Variants in PPP1R37 observed in about 807,000 individuals in gnomAD.
PPP1R37 encodes leucine rich repeat containing 68.
In PPP1R37, 21 loss-of-function variants were observed where a neutral mutation model predicts 61.0. The ratio of observed to expected loss-of-function variants is 0.34; its 90% CI spans 0.24 to 0.50. The LOEUF is 0.50. Ranked by LOEUF, PPP1R37 falls within the 20% of genes least tolerant of loss-of-function variation. The pLI is 0.98. For synonymous variants in PPP1R37, 443 were observed against 433.5 expected (o/e 1.02, Z -0.27); for missense variants, 910 against 952.7 (o/e 0.96, Z 0.59).
At chr19:45,116,617 C>T (rs529263159) in intron 1 of PPP1R37, among the ~76,000 whole-genome samples, 1 of 152,294 alleles carries the variant, frequency 6.6e-6, no homozygotes, top group African/African-American at 2.4e-5. Flanking sequence ...GCATTGCGGG[C>T]TCCCTTCCCT....
At chr19:45,136,032 C>T (rs1311353188) in intron 1 of PPP1R37, 1 of 152,144 alleles carries the variant, frequency 6.6e-6, no homozygotes, top group Non-Finnish European at 1.5e-5. Flanking sequence ...ATCCGTCCAC[C>T]TCAGCCTTCC....
chr19:45,127,682 T>C (rs945484388), intron 1 of PPP1R37, among the ~76,000 whole-genome samples: 8 of 151,942 alleles, frequency 5.3e-5, no homozygotes, highest in Admixed American at 2.0e-4. Flanking sequence ...CATAAAGAAA[T>C]GATCAATGTT....
Position 45,093,426 on chromosome 19 carries a change from C to A in PPP1R37, c.101C>A (p.Pro34His), listed in dbSNP as rs903839617. The change falls in exon 1 of 13, where the codon CCC becomes CAC. Residue 34 changes from proline (P) to histidine (H), a missense_variant. Coordinates refer to ENST00000221462, the MANE Select transcript of PPP1R37 (RefSeq NM_019121.2). Reference sequence around the variant, plus strand: ...GGGTCTCCCAGCCCCGCGTCGCCCCCCGCCGATGGGCGCCTCAAGGCTGCA... The same window carrying A: ...GGGTCTCCCAGCCCCGCGTCGCCCCACGCCGATGGGCGCCTCAAGGCTGCA... ...EAGSPSPASPPADGRLKAAAK... is the reference protein window; with the variant it reads ...EAGSPSPASPHADGRLKAAAK... 12 of 1,534,876 alleles carry A rather than the reference C, an allele frequency of 7.8e-6. No homozygotes were observed. In the Admixed American group the frequency reaches 1.2e-4, roughly 15 times the overall value.
intron 1 of PPP1R37, among the ~76,000 whole-genome samples, chr19:45,132,847 G>T (rs1292650001): frequency 6.6e-6 from 1 of 152,052 alleles, no homozygotes; most frequent in Admixed American, 6.6e-5. Flanking sequence ...GGGATTGCAG[G>T]CATGAGCCAC....
chr19:45,109,594 A>G (rs1968174307), intron 1 of PPP1R37, among the ~76,000 whole-genome samples: 1 of 152,204 alleles, frequency 6.6e-6, no homozygotes, highest in Non-Finnish European at 1.5e-5. Context: ...GTCATTGGTC[A>G]CTTGCTGAAG....
chr19:45,128,499 T>C, intron 1 of PPP1R37: 1 of 899,928 alleles, frequency 1.1e-6, no homozygotes, highest in East Asian at 3.2e-5. Flanking sequence ...GAGGCAGCGG[T>C]TGGGTTTGCA....
At chr19:45,107,653 G>T (rs1968149496) in intron 1 of PPP1R37, among the ~76,000 whole-genome samples, 1 of 152,162 alleles carries the variant, frequency 6.6e-6, no homozygotes, top group South Asian at 2.1e-4. Context: ...TGAGTTGTGA[G>T]AGTTCTATAT....
intron 1 of PPP1R37, among the ~76,000 whole-genome samples, chr19:45,137,726 C>T (rs932567390): frequency 6.6e-6 from 1 of 151,870 alleles, no homozygotes; most frequent in Non-Finnish European, 1.5e-5. Context: ...AAGCCCGGCT[C>T]GCATATATAC....
chr19:45,131,975 G>C (rs1005775766), intron 1 of PPP1R37, among the ~76,000 whole-genome samples: 5 of 152,050 alleles, frequency 3.3e-5, no homozygotes, highest in Admixed American at 2.0e-4. Context: ...ACACAGCCTC[G>C]GCAGGCCAGG....
rs1005633742 is a variant in PPP1R37, at chr19:45,097,078, G to A, written c.202+3551G>A. Among the ~76,000 whole-genome samples, 5 of 152,126 alleles carry A rather than the reference G, an allele frequency of 3.3e-5. No individual in the cohort carries two copies. The South Asian group carries it at 1.0e-3, about 32-fold the overall frequency. ...TGGGGCTGTGGGAGGTGGAGGGTTC[G>A]CCAGGGTGAAGAGGAATCGTGGTAC... is the stretch of plus-strand genomic sequence containing the variant. On this transcript the variant is annotated intron_variant, in intron 1 of 12. Coordinates refer to ENST00000221462, the MANE Select transcript of PPP1R37 (RefSeq NM_019121.2).
At chr19:45,138,636 G>A (rs780251139) in intron 2 of PPP1R37, 25 bp downstream of exon 2, 31 of 1,468,534 alleles carry the variant, frequency 2.1e-5, no homozygotes, top group East Asian at 1.5e-4. Context: ...GGGTGGGTGC[G>A]TCCGGTGTGG....
At chr19:45,106,961 C>T (rs1255804294) in intron 1 of PPP1R37, among the ~76,000 whole-genome samples, 1 of 151,540 alleles carries the variant, frequency 6.6e-6, no homozygotes, top group Non-Finnish European at 1.5e-5. Context: ...AGACTACAGG[C>T]GCCCGCCACC....
At chr19:45,142,780 T>TA in intron 7 of PPP1R37, 1 of 319,746 alleles carries the variant, frequency 3.1e-6, no homozygotes, top group Admixed American at 4.7e-5. Context: ...GTTGCTGCCA[T>TA]AACAGGGTCA....
At chr19:45,095,636 G>A (rs1385042823) in intron 1 of PPP1R37, among the ~76,000 whole-genome samples, 4 of 151,846 alleles carry the variant, frequency 2.6e-5, no homozygotes, top group African/African-American at 7.3e-5. Flanking sequence ...GGTGGTGCAC[G>A]CCTGTAGTCC....
At chr19:45,139,608 C>G (rs1968583500) in intron 2 of PPP1R37, among the ~76,000 whole-genome samples, 1 of 152,262 alleles carries the variant, frequency 6.6e-6, no homozygotes, top group Non-Finnish European at 1.5e-5. Flanking sequence ...CATCAGTGTT[C>G]ACTGGAGTTA....
At chr19:45,141,193 C>A in intron 4 of PPP1R37, 129 bp from the exon 5 acceptor site, 1 of 1,030,440 alleles carries the variant, frequency 9.7e-7, no homozygotes, top group Non-Finnish European at 1.4e-6. Flanking sequence ...TGTGCTTGTC[C>A]TCCTCTCCCG....
intron 1 of PPP1R37, among the ~76,000 whole-genome samples, chr19:45,108,178 A>G (rs749182518): frequency 2.0e-4 from 31 of 151,964 alleles, no homozygotes; most frequent in Non-Finnish European, 4.1e-4. Context: ...TTTTTTTCTG[A>G]GAGAGGGTCT....
chr19:45,145,923 C>T lies in PPP1R37; in HGVS notation c.1867C>T (p.Pro623Ser), dbSNP rs1201594924. The change falls in exon 11 of 13, where the codon CCA (proline) becomes TCA (serine). Residue 623 changes from proline to serine, a missense_variant. Coordinates refer to ENST00000221462, the MANE Select transcript of PPP1R37 (RefSeq NM_019121.2). ...RDTGSSEPQP[P>S]PEPPRSGPPL... is the part of the protein sequence containing the mutation. ...CACAGGGTCCTCTGAGCCTCAGCCA[C>T]CACCGGAGCCGCCTCGGTCAGGGCC... 4.6e-6 allele frequency: 7 copies of T among 1,534,740 alleles called. No homozygotes were observed. Among genetic ancestry groups the T allele is most frequent in the Non-Finnish European group, 6.1e-6 (7 of 1,146,492 alleles).
intron 1 of PPP1R37, among the ~76,000 whole-genome samples, chr19:45,110,581 C>T (rs773402808): frequency 9.9e-5 from 15 of 152,040 alleles, no homozygotes; most frequent in Non-Finnish European, 1.5e-4. Context: ...ATTTGTTTGC[C>T]TTCCTCCCAG....
Sources: gnomAD v4.1 joint callset for allele counts (sites outside exome capture counted in the v4.1 genomes callset) on GRCh38, gnomAD v4.1.1 for gene constraint, MANE v1.5 for transcripts, NCBI Gene and HGNC (gene_info 2026-07-23, HGNC 2026-07-21) for gene names.